Variants in NLRP7 observed in about 807,000 individuals in gnomAD.
The protein encoded by NLRP7 is NLR family pyrin domain containing 7, also known as NACHT, LRR and PYD domains-containing protein 7.
A neutral mutation model predicts 85.5 loss-of-function variants in NLRP7; 72 were observed. That is an observed-to-expected ratio of 0.84 (90% CI 0.70 to 1.02). The LOEUF is 1.02. NLRP7 is among the 50% of genes least tolerant of loss of function. The pLI is 0.00. For synonymous variants in NLRP7, 550 were observed against 505.2 expected, an observed-to-expected ratio of 1.09 and a Z score of -1.19; for missense variants, 1,243 against 1,219.5, an observed-to-expected ratio of 1.02 and a Z score of -0.29.
chr19:54,924,570 G>A (rs994864007), intron 9 of NLRP7, among the ~76,000 whole-genome samples: 1 of 152,174 alleles, frequency 6.6e-6, no homozygotes, highest in African/African-American at 2.4e-5. Flanking sequence ...GTTGCAACGA[G>A]CTAGAGATTG....
chr19:54,929,012 T>C (rs997787996), intron 9 of NLRP7, among the ~76,000 whole-genome samples: 3 of 152,068 alleles, frequency 2.0e-5, no homozygotes, highest in Admixed American at 1.3e-4. Context: ...TTTTGAGTCT[T>C]TGGAAATAAA....
chr19:54,930,689 G>A (rs777649835), intron 8 of NLRP7, 23 bp from the exon 9 acceptor site: 6 of 1,609,454 alleles, frequency 3.7e-6, no homozygotes, highest in Non-Finnish European at 4.3e-6. Flanking sequence ...CAAAGGAAGA[G>A]AAGCCTGTTA....
At chr19:54,944,174 ATAAGAGGAAGGCCTTTTTGCAGT>A (rs2069365060) in intron 1 of NLRP7, among the ~76,000 whole-genome samples, 1 of 151,972 alleles carries the variant, frequency 6.6e-6, no homozygotes. Flanking sequence ...GAGGATTAGT[ATAAGAGGAAGGCCTTTTTGCAGT>A]TAAGAGGAAG....
In NLRP7 at chr19:54,955,597, T is replaced by C. The variant is rs188324128; in HGVS notation, c.-76-8092A>G. Reference sequence around the variant, plus strand: ...TGAATCATTTGAGGTCAGACCAGCCTGACTAACATGGCGAAACCCCATCTC... The same window carrying C: ...TGAATCATTTGAGGTCAGACCAGCCCGACTAACATGGCGAAACCCCATCTC... On this transcript the variant is annotated intron_variant, in intron 1 of 2. Coordinates refer to the NLRP7 transcript ENST00000587103. Among the ~76,000 whole-genome samples, 449 of 152,274 alleles carry C rather than the reference T, an allele frequency of 2.9e-3. 3 individuals are homozygous for C. The highest frequency in any genetic ancestry group is 4.0e-3 in the Non-Finnish European group (274 of 68,022).
chr19:54,946,099 G>T (rs1366429484), intron 1 of NLRP7, among the ~76,000 whole-genome samples: 3 of 145,900 alleles, frequency 2.1e-5, no homozygotes, highest in Non-Finnish European at 4.5e-5. Context: ...CCGAGACAGG[G>T]TTTCTCTATG....
At chr19:54,942,916 G>T (rs1246366880) in intron 1 of NLRP7, among the ~76,000 whole-genome samples, 1 of 151,908 alleles carries the variant, frequency 6.6e-6, no homozygotes, top group Non-Finnish European at 1.5e-5. Context: ...GGAGGCTGAG[G>T]CAGGTGGATC....
At chr19:54,949,274 TAA>T (rs11414677), upstream of NLRP7, among the ~76,000 whole-genome samples, 29 of 131,896 alleles carry the variant, frequency 2.2e-4, no homozygotes, top group Admixed American at 2.3e-4. Flanking sequence ...ACTCCATCTT[TAA>T]AAAAAAAAAA....
chr19:54,946,572 C>A lies in NLRP7; in HGVS notation c.-40+897G>T, dbSNP rs145984134. ...GTGGCTCAATCACACCTCATTGCAG[C>A]CCCCACCTCCTGGCTCAGGTGATCC... is the stretch of plus-strand genomic sequence containing the variant. On this transcript the variant is annotated intron_variant, in intron 1 of 9. Coordinates refer to ENST00000340844, the Ensembl canonical transcript of NLRP7. 1.7e-4 allele frequency among the ~76,000 whole-genome samples: 26 copies of A among 152,068 alleles called. No homozygotes were observed. The East Asian group carries it at 4.4e-3, about 26-fold the overall frequency.
intron 9 of NLRP7, 127 bp from the exon 10 acceptor site, chr19:54,927,902 G>T: frequency 1.2e-6 from 1 of 807,948 alleles, no homozygotes; most frequent in Non-Finnish European, 2.2e-6. Flanking sequence ...GACCAGCCTT[G>T]CCAACACGGT....
chr19:54,933,642 G>A lies in NLRP7; in HGVS notation c.2569C>T (p.Pro857Ser), dbSNP rs1318328680. ...AACTTCACCCCTGTATCCCCAATGG[G>A]GTTCTTGGCCAAGCACAGGTGTGTC... is the stretch of plus-strand genomic sequence containing the variant. Residue 857 changes from proline to serine, a missense_variant, in exon 8 of 10, where the codon CCC becomes TCC. Pro to Ser is a moderately conservative substitution (Grantham distance 74). Around this residue, in one of 3 missense-constraint regions of NLRP7, gnomAD observed 613 missense variants for 588.4 expected, o/e 1.04. Coordinates refer to ENST00000340844, the Ensembl canonical transcript of NLRP7. The A allele has an allele frequency of 6.2e-6, 10 of 1,614,146 alleles. No homozygotes were observed. The East Asian group carries it at 1.6e-4, about 25-fold the overall frequency.
exon 4 of NLRP7, chr19:54,940,128 A>G (rs1441209289): frequency 6.2e-7 from 1 of 1,614,198 alleles, no homozygotes; most frequent in Admixed American, 1.7e-5. Flanking sequence ...AATTCAGGCC[A>G]GTCTTTGGAG....
At chr19:54,935,068 A>C (rs1309787151) in intron 6 of NLRP7, among the ~76,000 whole-genome samples, 1 of 152,080 alleles carries the variant, frequency 6.6e-6, no homozygotes, top group African/African-American at 2.4e-5. Flanking sequence ...TCATGCCTCC[A>C]ACCCTGGCCT....
At position 54,940,471 on chromosome 19, in the gene NLRP7, A is replaced by C. The variant is rs2069176027; in HGVS notation, c.353-5T>G. ...TTCTCCATCCTTCCTTTTCACCTGCAGTGACAGCCCATAGGACAGTTGAGG... is the reference window on the plus strand; with the variant it reads ...TTCTCCATCCTTCCTTTTCACCTGCCGTGACAGCCCATAGGACAGTTGAGG... On this transcript the variant is annotated splice_region_variant and splice_polypyrimidine_tract_variant and intron_variant, in intron 3 of 9. Coordinates refer to ENST00000340844, the Ensembl canonical transcript of NLRP7. 6.2e-7 allele frequency: 1 copy of C among 1,613,498 alleles called. No individual in the cohort carries two copies. Among genetic ancestry groups the C allele is most frequent in the Non-Finnish European group, 8.5e-7 (1 of 1,179,878 alleles).
chr19:54,948,873 G>T, upstream of NLRP7: 1 of 169,080 alleles, frequency 5.9e-6, no homozygotes, highest in Non-Finnish European at 1.3e-5. Context: ...TGTATGTTGT[G>T]GAAAGCATTC....
rs2068913249 is a variant in NLRP7, at chr19:54,936,138, G to A, written c.2300+123C>T. On this transcript the variant is annotated intron_variant, in intron 6 of 9. Transcript: ENST00000340844. Reference sequence around the variant, plus strand: ...GAGGCCGACTCCCCCACACAGGCCTGTTTGAGGAATACATTCCCTGTCTGG... The same window carrying A: ...GAGGCCGACTCCCCCACACAGGCCTATTTGAGGAATACATTCCCTGTCTGG... The A allele has an allele frequency of 4.7e-6, 4 of 849,298 alleles. No individual in the cohort carries two copies. In the Admixed American group the frequency reaches 5.9e-5, roughly 13 times the overall value. 52.6% of individuals were successfully genotyped at this position (849,298 alleles called of 1,614,324 possible).
intron 1 of NLRP7, among the ~76,000 whole-genome samples, chr19:54,944,152 G>T (rs909396378): frequency 5.3e-5 from 8 of 152,010 alleles, no homozygotes; most frequent in African/African-American, 1.9e-4. Flanking sequence ...CCCGTAAAGG[G>T]TCTGTGCTGA....
rs10421098 is a variant in NLRP7, at chr19:54,942,143, C to T, written c.-39-393G>A. On this transcript the variant is annotated intron_variant, in intron 1 of 9. Coordinates refer to ENST00000340844, the Ensembl canonical transcript of NLRP7. ...TGGTGGCGGGCACCTGTAGTCCCAG[C>T]TACTCGGGAGGCTGAGGCAGGAGAA... 0.19 allele frequency among the ~76,000 whole-genome samples: 28,512 copies of T among 150,514 alleles called. 2,944 individuals carry two copies. Among genetic ancestry groups the T allele is most frequent in the Admixed American group, 0.27 (4,113 of 14,978 alleles).
rs1443910848 is a variant in NLRP7, at chr19:54,923,786, T to C, written c.2897A>G (p.Asn966Ser). ...CGGAGGTGCCGTTGCCCCGGAAGCATTGCAATCAATAGTCAGCTTGGGATT... is the reference window on the plus strand; with the variant it reads ...CGGAGGTGCCGTTGCCCCGGAAGCACTGCAATCAATAGTCAGCTTGGGATT... The change falls in exon 10 of 10, where the codon AAT (asparagine) becomes AGT (serine). Residue 966 changes from asparagine to serine, a missense_variant. Transcript: ENST00000340844. 6 of 1,613,950 alleles carry C rather than the reference T, an allele frequency of 3.7e-6. No homozygotes were observed. The highest frequency in any genetic ancestry group is 1.7e-4 in the Middle Eastern group (1 of 6,024).
chr19:54,929,028 C>G (rs1303133745), intron 9 of NLRP7, among the ~76,000 whole-genome samples: 1 of 152,092 alleles, frequency 6.6e-6, no homozygotes, highest in Non-Finnish European at 1.5e-5. Context: ...ATAAAGGTAT[C>G]ACGGTCTGGC....
Sources: allele counts gnomAD v4.1 joint callset (sites outside exome capture counted in the v4.1 genomes callset), GRCh38; gene constraint gnomAD v4.1.1; regional missense constraint gnomAD v4.1.1; transcripts MANE v1.5; gene names NCBI Gene and HGNC (gene_info 2026-07-23, HGNC 2026-07-21).